The following GPC6 variants were observed in gnomAD, a reference collection of about 807,000 sequenced individuals.
The protein encoded by GPC6 is glypican-6.
GPC6 carries 14 observed loss-of-function variants against 55.2 expected under a neutral mutation model. That is an observed-to-expected ratio of 0.25 (90% CI 0.17 to 0.40). The LOEUF is 0.40. Among genes scored for constraint, GPC6 ranks in the 10% least tolerant of loss-of-function variants. The probability of loss-of-function intolerance (pLI) is 1.00; values close to 1 mark genes in which losing one functional copy is unlikely to be tolerated. For missense variants in GPC6, 641 were observed against 708.5 expected, an observed-to-expected ratio of 0.90 and a Z score of 1.08; for synonymous variants, 278 against 259.6, an observed-to-expected ratio of 1.07 and a Z score of -0.68.
Position 93,742,000 on chromosome 13 carries a change from A to T in GPC6, c.320-88154A>T, listed in dbSNP as rs201924167. 2.6e-5 allele frequency among the ~76,000 whole-genome samples: 4 copies of T among 152,226 alleles called. No individual in the cohort carries two copies. In the East Asian group the frequency reaches 7.7e-4, roughly 29 times the overall value. On this transcript the variant is annotated intron_variant, in intron 2 of 8. Coordinates refer to ENST00000377047, the MANE Select transcript of GPC6 (RefSeq NM_005708.5). ...ACAGAACTAAAAAAATGTAAATAAC[A>T]AATGTAGAATTGTCTTGAGAGTTGC... is the stretch of plus-strand genomic sequence containing the variant.
At chr13:94,215,989 A>AGAATAAAGTTTT (rs6145185) in intron 4 of GPC6, among the ~76,000 whole-genome samples, 1 of 151,752 alleles carries the variant, frequency 6.6e-6, no homozygotes, top group Admixed American at 6.6e-5. Flanking sequence ...TATGTTTTTT[A>AGAATAAAGTTTT]GACGTTAGTT....
chr13:93,965,248 A>G (rs746639720), intron 3 of GPC6, among the ~76,000 whole-genome samples: 2 of 151,272 alleles, frequency 1.3e-5, no homozygotes, highest in African/African-American at 2.4e-5. Flanking sequence ...CCTCTCTACT[A>G]AAAATACAAA....
intron 2 of GPC6, among the ~76,000 whole-genome samples, chr13:93,627,446 C>A (rs895674637): frequency 2.6e-4 from 40 of 152,138 alleles, no homozygotes; most frequent in African/African-American, 8.9e-4. Flanking sequence ...AAACTGCCCC[C>A]ATGATCCAGT....
chr13:94,270,960 T>C (rs991417192), intron 4 of GPC6, among the ~76,000 whole-genome samples: 140 of 128,058 alleles, frequency 1.1e-3, no homozygotes, highest in Admixed American at 3.4e-3. Flanking sequence ...GACAGAGAAG[T>C]ATAATTTTTT....
intron 1 of GPC6, among the ~76,000 whole-genome samples, chr13:93,310,357 C>T (rs1472727488): frequency 1.3e-5 from 2 of 152,162 alleles, no homozygotes; most frequent in African/African-American, 4.8e-5. Context: ...CGTCAGTTCC[C>T]AAGAGCTTGG....
At chr13:93,791,383 T>A (rs1177457601) in intron 2 of GPC6, among the ~76,000 whole-genome samples, 1 of 152,226 alleles carries the variant, frequency 6.6e-6, no homozygotes, top group Non-Finnish European at 1.5e-5. Flanking sequence ...AAAGATGTAA[T>A]TTTTTCCTAC....
intron 1 of GPC6, among the ~76,000 whole-genome samples, chr13:93,503,574 A>G (rs1316309484): frequency 1.3e-5 from 2 of 152,174 alleles, no homozygotes; most frequent in Non-Finnish European, 2.9e-5. Context: ...AGTCCTCAAC[A>G]TGGACATTGG....
Position 93,603,164 on chromosome 13 carries a change from C to T in GPC6, c.319+57743C>T, listed in dbSNP as rs1878096935. Reference sequence around the variant, plus strand: ...AGCTGGGACCACAGGCACACACCACCACACCCAGCTAATTTTTTATTATTT... The same window carrying T: ...AGCTGGGACCACAGGCACACACCACTACACCCAGCTAATTTTTTATTATTT... On this transcript the variant is annotated intron_variant, in intron 2 of 8. Transcript: ENST00000377047. 2.0e-5 allele frequency among the ~76,000 whole-genome samples: 3 copies of T among 152,016 alleles called. No individual in the cohort carries two copies. The South Asian group carries it at 6.2e-4, about 32-fold the overall frequency.
intron 2 of GPC6, among the ~76,000 whole-genome samples, chr13:93,583,496 G>A (rs1049131133): frequency 3.3e-5 from 5 of 151,904 alleles, no homozygotes; most frequent in African/African-American, 9.7e-5. Flanking sequence ...TCGGCTCACC[G>A]CAACCTCCGC....
At chr13:93,354,353 T>TTTTTTGTTTG (rs1158108557) in intron 1 of GPC6, among the ~76,000 whole-genome samples, 1,670 of 133,932 alleles carry the variant, frequency 0.012, 17 homozygotes, top group Non-Finnish European at 0.02. Flanking sequence ...TGGTAGATTT[T>TTTTTTGTTTG]TTTTTTTTTT....
intron 1 of GPC6, among the ~76,000 whole-genome samples, chr13:93,269,753 A>G (rs113284686): frequency 0.27 from 37,207 of 139,948 alleles, 5,232 homozygotes; most frequent in East Asian, 0.55. Context: ...GTGAAACCCC[A>G]TCTCTACTAA....
intron 3 of GPC6, among the ~76,000 whole-genome samples, chr13:93,948,206 T>A (rs1879099547): frequency 6.6e-6 from 1 of 152,204 alleles, no homozygotes; most frequent in Admixed American, 6.5e-5. Flanking sequence ...GTCAACTGTG[T>A]ATTAAAAGAG....
At position 93,658,930 on chromosome 13, in the gene GPC6, A is replaced by C. The variant is rs530029231; in HGVS notation, c.319+113509A>C. Among the ~76,000 whole-genome samples, 61 of 151,966 alleles carry C rather than the reference A, an allele frequency of 4.0e-4. 1 individual carries two copies. The highest frequency in any genetic ancestry group is 1.4e-3 in the African/African-American group (57 of 41,558). ...TTTTTCCTACTTTGTTTTCAGAAAG[A>C]TATATGTGATGTCACCATTAATGGT... On this transcript the variant is annotated intron_variant, in intron 2 of 8. Transcript: ENST00000377047.
intron 2 of GPC6, among the ~76,000 whole-genome samples, chr13:93,574,580 C>T (rs540109716): frequency 3.9e-5 from 6 of 152,196 alleles, no homozygotes; most frequent in Admixed American, 3.3e-4. Flanking sequence ...TAGGAAACGA[C>T]TACACATACT....
chr13:93,548,360 G>A (rs941151191), intron 2 of GPC6, among the ~76,000 whole-genome samples: 4 of 152,100 alleles, frequency 2.6e-5, no homozygotes, highest in African/African-American at 7.2e-5. Context: ...TTTTTATTAA[G>A]TACAGCAGCA....
At chr13:94,251,480 G>A (rs918509877) in intron 4 of GPC6, among the ~76,000 whole-genome samples, 2 of 148,880 alleles carry the variant, frequency 1.3e-5, no homozygotes, top group African/African-American at 5.0e-5. Flanking sequence ...AAAAAAACAC[G>A]GACTGGTTAG....
chr13:93,631,076 A>C (rs1879408280), intron 2 of GPC6, among the ~76,000 whole-genome samples: 2 of 152,216 alleles, frequency 1.3e-5, no homozygotes, highest in Non-Finnish European at 2.9e-5. Flanking sequence ...TAGTTCAGGT[A>C]AGACAGGGGT....
At chr13:93,983,784 TA>T (rs35261105) in intron 3 of GPC6, among the ~76,000 whole-genome samples, 75 of 144,730 alleles carry the variant, frequency 5.2e-4, no homozygotes, top group Admixed American at 7.6e-4. Context: ...ATATTTTTGT[TA>T]AAAAAAAAAA....
At chr13:94,354,565 C>T (rs984343058) in intron 6 of GPC6, among the ~76,000 whole-genome samples, 27 of 152,292 alleles carry the variant, frequency 1.8e-4, no homozygotes, top group Admixed American at 1.3e-3. Flanking sequence ...AAAAAATAGC[C>T]GAAGAATTCA....
Sources: allele counts gnomAD v4.1 joint callset (sites outside exome capture counted in the v4.1 genomes callset), GRCh38; gene constraint gnomAD v4.1.1; transcripts MANE v1.5; gene names NCBI Gene and HGNC (gene_info 2026-07-23, HGNC 2026-07-21).